Variants in NEB observed in about 807,000 individuals in gnomAD.
NEB encodes nebulin, also known as nemaline myopathy type 2.
A neutral mutation model predicts 952.2 loss-of-function variants in NEB; 512 were observed. That is an observed-to-expected ratio of 0.54 (90% confidence interval 0.50 to 0.58). The LOEUF (loss-of-function observed/expected upper bound fraction) is 0.58. Among genes scored for constraint, NEB ranks in the 20% least tolerant of loss-of-function variants. The probability of loss-of-function intolerance (pLI) is 0.00; values close to 1 mark genes in which losing one functional copy is unlikely to be tolerated. For synonymous variants in NEB, 2,900 were observed against 3,149.8 expected, an observed-to-expected ratio of 0.92 and a Z score of 2.66; for missense variants, 8,428 against 9,231.1, an observed-to-expected ratio of 0.91 and a Z score of 3.56.
chr2:151,688,187 T>C (rs1345321482), intron 25 of NEB, 105 bp downstream of exon 25: 1 of 933,130 alleles, frequency 1.1e-6, no homozygotes, highest in Non-Finnish European at 1.6e-6. Flanking sequence ...AGTAACCATC[T>C]TAAAGTTGTT....
chr2:151,612,358 C>G lies in NEB; in HGVS notation c.11633G>C (p.Arg3878Thr). ...AIYKSDLEWL[R>T]GIGWVPIGSV... ...GCCAATGGGAACCCATCCTATGCCT[C>G]TCAGCCACTCAAGATCAGATTTGTA... is the stretch of plus-strand genomic sequence containing the variant. The change falls in exon 78 of 182, where the codon AGA becomes ACA. Residue 3878 changes from arginine to threonine, a missense_variant. Arg to Thr is a moderately conservative substitution (Grantham distance 71, BLOSUM62 -1). Transcript: ENST00000397345. 6.2e-7 allele frequency: 1 copy of G among 1,613,810 alleles called. No homozygotes were observed.
rs527577277 is a variant in NEB, at chr2:151,718,513, C to A, written c.718-993G>T. 2.6e-5 allele frequency among the ~76,000 whole-genome samples: 4 copies of A among 152,306 alleles called. 1 individual carries two copies. Among genetic ancestry groups the A allele is most frequent in the African/African-American group, 7.2e-5 (3 of 41,572 alleles). ...GTCCTTAAGCCCACAATCAACCCCA[C>A]CTTACTCTCAGCTTCCTCTTTCATA... is the stretch of plus-strand genomic sequence containing the variant. On this transcript the variant is annotated intron_variant, in intron 9 of 181. Coordinates refer to ENST00000397345, the MANE Select transcript of NEB (RefSeq NM_001164508.2).
rs747576289 is a variant in NEB at position 151,687,470 on chromosome 2, A to T, written c.2586T>A (p.Asn862Lys). Residue 862 changes from asparagine to lysine, a missense_variant, in exon 27 of 182, where the codon AAT becomes AAA. Asn to Lys is a moderately conservative substitution (Grantham distance 94, BLOSUM62 0). This residue lies in a region of NEB where 2,851 missense variants were observed against 2,791.5 expected (regional missense o/e 1.02). Coordinates refer to ENST00000397345, the MANE Select transcript of NEB (RefSeq NM_001164508.2). ...AGGAGTGCAGCATCTTTGGATCGTCATTAATGCTGAGGGCTCCAATCATTT... is the reference window on the plus strand; with the variant it reads ...AGGAGTGCAGCATCTTTGGATCGTCTTTAATGCTGAGGGCTCCAATCATTT... ...KGKMIGALSI[N>K]DDPKMLHSLK... The T allele has an allele frequency of 3.1e-6, 5 of 1,614,046 alleles. No homozygotes were observed. Among genetic ancestry groups the T allele is most frequent in the Non-Finnish European group, 4.2e-6 (5 of 1,179,884 alleles).
chr2:151,544,576 C>T (rs1158720851), intron 135 of NEB, among the ~76,000 whole-genome samples: 12 of 152,162 alleles, frequency 7.9e-5, no homozygotes, highest in Admixed American at 7.2e-4. Flanking sequence ...ATAACGTAAG[C>T]GTTCTAGTCT....
At chr2:151,717,636 G>GCT (rs976637673) in intron 9 of NEB, 116 bp from the exon 10 acceptor site, 1 of 766,604 alleles carries the variant, frequency 1.3e-6, no homozygotes, top group African/African-American at 1.8e-5. Context: ...ACATACCATT[G>GCT]CTCTCAGTAC....
chr2:151,642,646 C>T lies in NEB; in HGVS notation c.8301G>A (p.Arg2767=). The T allele has an allele frequency of 1.2e-6, 2 of 1,613,930 alleles. No individual in the cohort carries two copies. The highest frequency in any genetic ancestry group is 1.7e-6 in the Non-Finnish European group (2 of 1,179,848). Residue 2767 remains arginine (R), a synonymous_variant, in exon 60 of 182, where the codon AGG becomes AGA. Coordinates refer to ENST00000397345, the MANE Select transcript of NEB (RefSeq NM_001164508.2). ...CATCTACCCGCATGTCATAACCTTTCCTCTTGGCTTCTTCTAGGCCAAGCT... is the reference window on the plus strand; with the variant it reads ...CATCTACCCGCATGTCATAACCTTTTCTCTTGGCTTCTTCTAGGCCAAGCT... ...LYKLGLEEAK[R]KGYDMRVDAI... is the part of the protein sequence containing the mutation.
chr2:151,710,452 A>G lies in NEB; in HGVS notation c.909T>C (p.Asn303=). 1 of 1,611,936 alleles carries G rather than the reference A, an allele frequency of 6.2e-7. No individual in the cohort carries two copies. Among genetic ancestry groups the G allele is most frequent in the Non-Finnish European group, 8.5e-7 (1 of 1,178,240 alleles). Residue 303 remains asparagine, a synonymous_variant, in exon 11 of 182, where the codon AAT becomes AAC. Coordinates refer to ENST00000397345, the MANE Select transcript of NEB (RefSeq NM_001164508.2). ...ACTTAACTGTGCTAATGTTATCAGC[A>G]TTCATTCTGGCATTTGCAACTTCAA... ...PCFEVANARM[N]ADNISTRKYQ... is the part of the protein sequence containing the mutation.
chr2:151,676,223 C>T (rs988371954), intron 34 of NEB, among the ~76,000 whole-genome samples: 3 of 152,134 alleles, frequency 2.0e-5, no homozygotes, highest in Admixed American at 2.0e-4. Context: ...TCTTCTAGGA[C>T]CCAAAGAGTT....
At chr2:151,512,677 A>G in intron 161 of NEB, 56 bp downstream of exon 161, 2 of 1,189,294 alleles carry the variant, frequency 1.7e-6, no homozygotes, top group Non-Finnish European at 2.5e-6. Context: ...TAATGGAAGG[A>G]CTTCCATTCT....
intron 145 of NEB, 127 bp downstream of exon 145, chr2:151,530,867 T>C (rs929623982): frequency 2.7e-5 from 17 of 628,206 alleles, no homozygotes; most frequent in South Asian, 6.6e-5. Context: ...AAGAGATGAC[T>C]ATTATTTTAA....
chr2:151,561,497 G>A (rs1383093058), intron 121 of NEB, among the ~76,000 whole-genome samples, 185 bp from the exon 122 acceptor site: 4 of 151,774 alleles, frequency 2.6e-5, no homozygotes, highest in African/African-American at 9.7e-5. Context: ...TCTCTTGACT[G>A]AGACTGGGGT....
chr2:151,657,096 T>C (rs1366709786), intron 48 of NEB, among the ~76,000 whole-genome samples: 1 of 152,188 alleles, frequency 6.6e-6, no homozygotes, highest in Non-Finnish European at 1.5e-5. Context: ...AGAGCTTCTT[T>C]TTCTGCCTGT....
chr2:151,692,203 C>A (rs751181789), intron 21 of NEB, 37 bp from the exon 22 acceptor site: 4 of 1,610,002 alleles, frequency 2.5e-6, no homozygotes, highest in African/African-American at 1.3e-5. Flanking sequence ...AGTTAACAAT[C>A]ATTTGTCAAA....
intron 147 of NEB, 69 bp from the exon 148 acceptor site, chr2:151,527,091 A>C: frequency 9.8e-7 from 1 of 1,018,570 alleles, no homozygotes; most frequent in South Asian, 1.4e-5. Context: ...CATTTGATTA[A>C]ACACACAGGG....
intron 181 of NEB, among the ~76,000 whole-genome samples, chr2:151,486,926 TAC>T (rs774848864): frequency 1.3e-4 from 20 of 152,354 alleles, no homozygotes; most frequent in Admixed American, 5.2e-4. Flanking sequence ...GAGTTTTGAA[TAC>T]AGTTTTTTTT....
intron 36 of NEB, among the ~76,000 whole-genome samples, 170 bp from the exon 37 acceptor site, chr2:151,672,850 C>G (rs530094480): frequency 2.6e-5 from 4 of 152,182 alleles, no homozygotes; most frequent in Admixed American, 6.5e-5. Flanking sequence ...ATTGGAGTTA[C>G]AAGTGAGTGT....
rs758723038 is a variant in NEB, at chr2:151,614,371, C to A, written c.11506G>T (p.Asp3836Tyr). 5.0e-6 allele frequency: 8 copies of A among 1,613,742 alleles called. No homozygotes were observed. Among genetic ancestry groups the A allele is most frequent in the Non-Finnish European group, 6.8e-6 (8 of 1,179,854 alleles). The change falls in exon 77 of 182, where the codon GAC becomes TAC. Residue 3836 changes from aspartate to tyrosine, a missense_variant. By Grantham distance (160) the Asp-to-Tyr change is radical. Around this residue, in one of 11 missense-constraint regions of NEB, gnomAD observed 1,772 missense variants for 1,960.3 expected, o/e 0.90. Transcript: ENST00000397345. ...LAKKCQILVSDIDYKHPLHEW... is the reference protein window; with the variant it reads ...LAKKCQILVSYIDYKHPLHEW... Reference sequence around the variant, plus strand: ...TGCAGGGGATGCTTGTAGTCTATGTCGCTTACAAGGATCTGACACTTCTTG... The same window carrying A: ...TGCAGGGGATGCTTGTAGTCTATGTAGCTTACAAGGATCTGACACTTCTTG...
intron 119 of NEB, among the ~76,000 whole-genome samples, chr2:151,563,333 A>G (rs746423947): frequency 6.6e-6 from 1 of 152,052 alleles, no homozygotes; most frequent in Non-Finnish European, 1.5e-5. Context: ...CCATCCTTTT[A>G]TAACACAGGG....
At chr2:151,610,695 A>T in intron 79 of NEB, 67 bp downstream of exon 79, 1 of 1,578,534 alleles carries the variant, frequency 6.3e-7, no homozygotes, top group Non-Finnish European at 8.7e-7. Flanking sequence ...CCAGAAAGGA[A>T]ATTGTTACGG....
Sources: gnomAD v4.1 joint callset for allele counts (sites outside exome capture counted in the v4.1 genomes callset) on GRCh38, gnomAD v4.1.1 for gene constraint, gnomAD v4.1.1 regional missense constraint, MANE v1.5 for transcripts, NCBI Gene and HGNC (gene_info 2026-07-23, HGNC 2026-07-21) for gene names.